The following CAMK1D variants were observed in gnomAD, a reference collection of about 807,000 sequenced individuals.
CAMK1D encodes the protein calcium/calmodulin-dependent protein kinase type 1D.
A neutral mutation model predicts 47.7 loss-of-function variants in CAMK1D; 9 were observed. The ratio of observed to expected loss-of-function variants is 0.19; its 90% CI spans 0.11 to 0.33. The LOEUF is 0.33. CAMK1D is among the 10% of genes least tolerant of loss of function. The probability of loss-of-function intolerance (pLI) is 1.00; values close to 1 mark genes in which losing one functional copy is unlikely to be tolerated. For synonymous variants in CAMK1D, 184 were observed against 184.9 expected (o/e 0.99, Z 0.04); for missense variants, 291 against 488.7 (o/e 0.60, Z 3.81).
Position 12,816,279 on chromosome 10 carries a change from A to G in CAMK1D, c.784A>G (p.Lys262Glu), listed in dbSNP as rs779065638. The G allele has an allele frequency of 6.2e-7, 1 of 1,613,694 alleles. No individual in the cohort carries two copies. Among genetic ancestry groups the G allele is most frequent in the South Asian group, 1.1e-5 (1 of 91,008 alleles). ...AKDFIRNLME[K>E]DPNKRYTCEQ... Reference sequence around the variant, plus strand: ...AGACTTCATTCGGAACCTGATGGAGAAGGACCCGAATAAAAGATACACGTG... The same window carrying G: ...AGACTTCATTCGGAACCTGATGGAGGAGGACCCGAATAAAAGATACACGTG... Residue 262 changes from lysine (K) to glutamate (E), a missense_variant, in exon 8 of 11, where the codon AAG becomes GAG. Transcript: ENST00000619168.
intron 1 of CAMK1D, among the ~76,000 whole-genome samples, chr10:12,393,550 C>G (rs1838824568): frequency 6.6e-6 from 1 of 152,198 alleles, no homozygotes; most frequent in African/African-American, 2.4e-5. Context: ...TTTTCTCACC[C>G]AGGGACATTC....
intron 9 of CAMK1D, 52 bp from the exon 10 acceptor site, chr10:12,825,521 T>C: frequency 1.3e-6 from 2 of 1,562,438 alleles, no homozygotes; most frequent in Non-Finnish European, 1.7e-6. Flanking sequence ...AGTTAGAGTC[T>C]TTTCCGATTA....
At position 12,522,861 on chromosome 10, in the gene CAMK1D, C is replaced by T. The variant is rs550324561; in HGVS notation, c.93-30364C>T. 1.3e-4 allele frequency among the ~76,000 whole-genome samples: 12 copies of T among 88,922 alleles called. 1 individual carries two copies. Among genetic ancestry groups the T allele is most frequent in the Admixed American group, 7.2e-4 (7 of 9,740 alleles). The allele number at this position is 88,922 out of a possible 152,430, so 58.3% of individuals were successfully genotyped here. On this transcript the variant is annotated intron_variant, in intron 1 of 10. Coordinates refer to ENST00000619168, the MANE Select transcript of CAMK1D (RefSeq NM_153498.4). The stretch of plus-strand genomic sequence containing the variant: ...CTCCCTCCCGGACAGGGCGGCTGGC[C>T]GGGCGGGGGCTGACCCCCCACCTCC...
intron 2 of CAMK1D, among the ~76,000 whole-genome samples, chr10:12,598,464 A>G (rs1056741190): frequency 6.6e-6 from 1 of 152,242 alleles, no homozygotes; most frequent in African/African-American, 2.4e-5. Flanking sequence ...AGTACTTACT[A>G]TGTACTGGGC....
intron 1 of CAMK1D, among the ~76,000 whole-genome samples, chr10:12,386,036 G>C (rs529143835): frequency 6.6e-6 from 1 of 152,320 alleles, no homozygotes; most frequent in Non-Finnish European, 1.5e-5. Context: ...GTGAGCCACT[G>C]TGTCTGGCCT....
At chr10:12,649,065 A>C (rs564397672) in intron 2 of CAMK1D, among the ~76,000 whole-genome samples, 4 of 151,104 alleles carry the variant, frequency 2.6e-5, no homozygotes, top group Non-Finnish European at 5.9e-5. Flanking sequence ...ACCGGGTTTT[A>C]CTATGTTGCC....
intron 2 of CAMK1D, among the ~76,000 whole-genome samples, chr10:12,623,189 CTCCG>C (rs1320804349): frequency 3.3e-3 from 3 of 922 alleles, no homozygotes; most frequent in African/African-American, 7.4e-3. Context: ...CCCTCCGTCC[CTCCG>C]TCCCTCCCTC....
At chr10:12,761,162 G>C in intron 4 of CAMK1D, 76 bp downstream of exon 4, 1 of 1,535,738 alleles carries the variant, frequency 6.5e-7, no homozygotes, top group Non-Finnish European at 8.9e-7. Context: ...GCTGATGCCA[G>C]TGGGGGCATG....
intron 1 of CAMK1D, among the ~76,000 whole-genome samples, chr10:12,462,168 T>G (rs1335182675): frequency 1.4e-5 from 2 of 144,664 alleles, no homozygotes; most frequent in Admixed American, 6.8e-5. Context: ...TTTTTTTTTT[T>G]TTTTTTTTTT....
At chr10:12,741,950 A>G (rs1251074001) in intron 3 of CAMK1D, among the ~76,000 whole-genome samples, 1 of 152,118 alleles carries the variant, frequency 6.6e-6, no homozygotes, top group Non-Finnish European at 1.5e-5. Flanking sequence ...GCTAAAGGTG[A>G]GGGATTCAGC....
In CAMK1D at chr10:12,520,886, C is replaced by A. The variant is rs1283410928; in HGVS notation, c.93-32339C>A. 1.1e-4 allele frequency among the ~76,000 whole-genome samples: 3 copies of A among 28,076 alleles called. 1 individual carries two copies. The highest frequency in any genetic ancestry group is 3.8e-4 in the African/African-American group (3 of 7,938). 18.4% of individuals were successfully genotyped at this position (28,076 alleles called of 152,430 possible). On this transcript the variant is annotated intron_variant, in intron 1 of 10. Transcript: ENST00000619168. Reference sequence around the variant, plus strand: ...TGAGCCGAGATGGCAGCAGTACCGTCCAGCTTTGGCTCGGCATCAGAGGGA... The same window carrying A: ...TGAGCCGAGATGGCAGCAGTACCGTACAGCTTTGGCTCGGCATCAGAGGGA...
At chr10:12,656,695 TA>T (rs1214496079) in intron 2 of CAMK1D, among the ~76,000 whole-genome samples, 1 of 152,206 alleles carries the variant, frequency 6.6e-6, no homozygotes, top group African/African-American at 2.4e-5. Flanking sequence ...CTTGGCTCCT[TA>T]GTTGCCCATT....
At chr10:12,751,063 TAAGA>T (rs1835930386) in intron 3 of CAMK1D, among the ~76,000 whole-genome samples, 1 of 6,164 alleles carries the variant, frequency 1.6e-4, no homozygotes, top group African/African-American at 2.2e-3. Context: ...TAAGATAAGA[TAAGA>T]TAAGATAAGA....
chr10:12,413,476 A>G (rs199577819), intron 1 of CAMK1D, among the ~76,000 whole-genome samples: 2 of 516 alleles, frequency 3.9e-3, no homozygotes, highest in East Asian at 0.083. Flanking sequence ...TCTGGGGTGT[A>G]TGTTTTGTGA....
At chr10:12,571,728 A>T (rs1304903681) in intron 2 of CAMK1D, among the ~76,000 whole-genome samples, 2 of 151,996 alleles carry the variant, frequency 1.3e-5, no homozygotes, top group Non-Finnish European at 2.9e-5. Context: ...TTCGTAGCAA[A>T]CTTAAAGCTC....
At chr10:12,362,047 C>A (rs61389825) in intron 1 of CAMK1D, among the ~76,000 whole-genome samples, 16,650 of 152,016 alleles carry the variant, frequency 0.11, 1,375 homozygotes, top group African/African-American at 0.22. Context: ...CTCTCTGCTC[C>A]TTAAAACAAA....
chr10:12,652,408 C>T (rs1167075176), intron 2 of CAMK1D, among the ~76,000 whole-genome samples: 10 of 134,874 alleles, frequency 7.4e-5, no homozygotes, highest in African/African-American at 2.2e-4. Flanking sequence ...GGTGAAACCC[C>T]GTCACTACTA....
At chr10:12,435,726 C>A (rs979897229) in intron 1 of CAMK1D, among the ~76,000 whole-genome samples, 1 of 152,124 alleles carries the variant, frequency 6.6e-6, no homozygotes, top group African/African-American at 2.4e-5. Flanking sequence ...GGATGTAGGT[C>A]GCCTGTGGCT....
chr10:12,729,116 T>C (rs1383369144), intron 3 of CAMK1D, among the ~76,000 whole-genome samples: 1 of 152,178 alleles, frequency 6.6e-6, no homozygotes, highest in African/African-American at 2.4e-5. Flanking sequence ...TTGGGCACCA[T>C]AGAATTCCAA....
Sources: allele counts gnomAD v4.1 joint callset (sites outside exome capture counted in the v4.1 genomes callset), GRCh38; gene constraint gnomAD v4.1.1; transcripts MANE v1.5; gene names NCBI Gene and HGNC (gene_info 2026-07-23, HGNC 2026-07-21).